Variants in CACNA1C observed in about 807,000 individuals in gnomAD.
CACNA1C encodes calcium voltage-gated channel subunit alpha1 C, also known as voltage-dependent L-type calcium channel subunit alpha-1C.
Under a neutral mutation model 229.0 loss-of-function variants are expected in CACNA1C, and 30 were observed. The observed-to-expected ratio is 0.13, with a 90% CI of 0.10 to 0.18. The LOEUF is 0.18. Among genes scored for constraint, CACNA1C ranks in the 10% least tolerant of loss-of-function variants. The pLI, the probability that CACNA1C is intolerant of heterozygous loss-of-function variation, is 1.00. For synonymous variants in CACNA1C, 1,114 were observed against 1,132.5 expected, an observed-to-expected ratio of 0.98 and a Z score of 0.33; for missense variants, 1,658 against 2,845.0, an observed-to-expected ratio of 0.58 and a Z score of 9.49.
chr12:1,998,116 A>G, intron 1 of CACNA1C: 1 of 639,232 alleles, frequency 1.6e-6, no homozygotes, highest in Non-Finnish European at 2.5e-6. Context: ...TTCTCAGGAA[A>G]AGGAGAAAGC....
chr12:2,668,905 C>G (rs540253339), intron 37 of CACNA1C, 28 bp from the exon 38 acceptor site: 1 of 1,529,968 alleles, frequency 6.5e-7, no homozygotes, highest in Admixed American at 1.7e-5. Context: ...CTGCCATCAT[C>G]ACCAGCTTTG....
In CACNA1C at chr12:2,473,930, G is replaced by A. The variant is rs116874225; in HGVS notation, c.758-12174G>A. 6.0e-4 allele frequency among the ~76,000 whole-genome samples: 92 copies of A among 152,226 alleles called. 1 individual carries two copies. Among genetic ancestry groups the A allele is most frequent in the Admixed American group, 9.8e-4 (15 of 15,286 alleles). The stretch of plus-strand genomic sequence containing the variant: ...TTACATAGAAAGATTAGCTTATGGC[G>A]TAGAGTTACCGTAAGTTGGCAGCAA... On this transcript the variant is annotated intron_variant, in intron 5 of 46. Transcript: ENST00000399655.
chr12:2,585,898 A>T lies in CACNA1C; in HGVS notation c.2524A>T (p.Thr842Ser). 1 of 1,591,822 alleles carries T rather than the reference A, an allele frequency of 6.3e-7. No individual in the cohort carries two copies. The highest frequency in any genetic ancestry group is 8.6e-7 in the Non-Finnish European group (1 of 1,167,728). ...EDKSPYPNPE[T>S]TGEEDEEEPE... is the part of the protein sequence containing the mutation. ...TAAGAGCCCCTACCCCAACCCAGAA[A>T]CTACAGGTACCAGTCCCACTGCCTA... Residue 842 changes from threonine (T) to serine (S), a missense_variant, in exon 18 of 47, where the codon ACT becomes TCT. Physicochemically the swap from Thr to Ser is moderately conservative, Grantham distance 58. This residue lies in a region of CACNA1C where 121 missense variants were observed against 128.8 expected (regional missense o/e 0.94). Coordinates refer to ENST00000399655, the MANE Select transcript of CACNA1C (RefSeq NM_000719.7). The surrounding 1 kb of genome is among the most constrained non-coding windows in gnomAD (Gnocchi z 4.1).
At chr12:2,591,549 C>T (rs1056977404) in intron 18 of CACNA1C, among the ~76,000 whole-genome samples, 3 of 152,078 alleles carry the variant, frequency 2.0e-5, no homozygotes, top group African/African-American at 4.8e-5. Flanking sequence ...TTCCCTGGAG[C>T]GTGAGTACTC....
At chr12:2,213,838 C>G (rs1354382801) in intron 3 of CACNA1C, among the ~76,000 whole-genome samples, 1 of 152,232 alleles carries the variant, frequency 6.6e-6, no homozygotes, top group Non-Finnish European at 1.5e-5. Context: ...CTCGCACTGC[C>G]CCTCCTCCCG....
chr12:2,610,814 A>G (rs909800481), intron 28 of CACNA1C, 115 bp downstream of exon 28: 6 of 1,016,228 alleles, frequency 5.9e-6, no homozygotes, highest in Non-Finnish European at 8.9e-6. Context: ...TCACCAAGGG[A>G]GGCATTTGGA....
Position 2,452,238 on chromosome 12 carries a change from G to A in CACNA1C, c.617+3123G>A, listed in dbSNP as rs1004440301. Among the ~76,000 whole-genome samples the A allele has an allele frequency of 9.2e-5, 14 of 152,026 alleles. 1 individual carries two copies. The highest frequency in any genetic ancestry group is 3.4e-4 in the African/African-American group (14 of 41,394). On this transcript the variant is annotated intron_variant, in intron 4 of 46. Coordinates refer to ENST00000399655, the MANE Select transcript of CACNA1C (RefSeq NM_000719.7). ...TTGCTATTCTGGTGGCACAAGACAC[G>A]TGGCATTTCTTTCCTTCCTAAAGCA...
At chr12:2,690,659 A>G in intron 46 of CACNA1C, 1 of 476,012 alleles carries the variant, frequency 2.1e-6, no homozygotes, top group Non-Finnish European at 3.7e-6. Context: ...ATATTTGATG[A>G]CAGTGTTTGA....
intron 1 of CACNA1C, among the ~76,000 whole-genome samples, chr12:2,073,032 C>T (rs2061919253): frequency 6.6e-6 from 1 of 152,114 alleles, no homozygotes; most frequent in Non-Finnish European, 1.5e-5. Flanking sequence ...GGGCCGCTGG[C>T]TGGAAGTGCA....
intron 3 of CACNA1C, among the ~76,000 whole-genome samples, chr12:2,121,534 G>C (rs1224600300): frequency 6.6e-6 from 1 of 152,226 alleles, no homozygotes; most frequent in African/African-American, 2.4e-5. Flanking sequence ...GCGGGCTGTG[G>C]TGTCTTGTGG....
At chr12:2,090,891 G>T (rs1482003339) in intron 1 of CACNA1C, among the ~76,000 whole-genome samples, 6 of 151,802 alleles carry the variant, frequency 4.0e-5, no homozygotes, top group African/African-American at 1.5e-4. Flanking sequence ...CCACATCCTC[G>T]CTGGCTCTTG....
At chr12:2,131,654 A>T in intron 3 of CACNA1C, among the ~76,000 whole-genome samples, 1 of 143,304 alleles carries the variant, frequency 7.0e-6, no homozygotes, top group South Asian at 2.3e-4. Context: ...GTTCTGTTCC[A>T]TTGATCTATA....
rs76979251 is a variant in CACNA1C, at chr12:2,269,868, G to C, written c.477+149438G>C. On this transcript the variant is annotated intron_variant, in intron 3 of 46. Transcript: ENST00000399655. ...TTTGGGGGGCCTGGTGGGAGCTGTA[G>C]CTGGGAGGAGGACCATGAGGGAGAA... is the stretch of plus-strand genomic sequence containing the variant. The C allele has an allele frequency of 7.9e-5, 12 of 152,404 alleles. No individual in the cohort carries two copies. In the East Asian group the frequency reaches 2.3e-3, roughly 29 times the overall value. 9.4% of individuals were successfully genotyped at this position (152,404 alleles called of 1,614,324 possible).
intron 3 of CACNA1C, among the ~76,000 whole-genome samples, chr12:2,283,950 A>G (rs2092110663): frequency 6.6e-6 from 1 of 152,182 alleles, no homozygotes; most frequent in Admixed American, 6.5e-5. Context: ...GCCTTTTTCC[A>G]AGATCCGGGA....
chr12:2,230,079 A>AG (rs1266825302), intron 3 of CACNA1C, among the ~76,000 whole-genome samples: 1 of 152,078 alleles, frequency 6.6e-6, no homozygotes, highest in African/African-American at 2.4e-5. Flanking sequence ...CGGAAGGGGA[A>AG]GAAGGGGCCT....
At chr12:2,416,406 A>G (rs1170067966) in intron 3 of CACNA1C, among the ~76,000 whole-genome samples, 1 of 152,086 alleles carries the variant, frequency 6.6e-6, no homozygotes, top group Non-Finnish European at 1.5e-5. Flanking sequence ...AAGAGAGGGG[A>G]AGGGAGGAAG....
rs75962949 is a variant in CACNA1C, at chr12:2,140,734, A to G, written c.477+20304A>G. 4.4e-3 allele frequency among the ~76,000 whole-genome samples: 664 copies of G among 151,438 alleles called. 6 individuals are homozygous for G. Among genetic ancestry groups the G allele is most frequent in the African/African-American group, 0.015 (628 of 41,486 alleles). ...GCATTCCTTCTGTCATATTTATTAA[A>G]TGCCTACTGTGTACCAGGCTAGGTG... On this transcript the variant is annotated intron_variant, in intron 3 of 46. Transcript: ENST00000399655.
chr12:2,186,496 TTTTTA>T (rs1400364582), intron 3 of CACNA1C, among the ~76,000 whole-genome samples: 1 of 152,202 alleles, frequency 6.6e-6, no homozygotes, highest in Non-Finnish European at 1.5e-5. Context: ...CCTTCACTTT[TTTTTA>T]TTTTAAAGAA....
intron 29 of CACNA1C, among the ~76,000 whole-genome samples, chr12:2,622,414 G>A (rs868312285): frequency 6.6e-6 from 1 of 152,038 alleles, no homozygotes; most frequent in African/African-American, 2.4e-5. Context: ...CCTCACCCAC[G>A]TCCTCCCATA....
Sources: allele counts gnomAD v4.1 joint callset (sites outside exome capture counted in the v4.1 genomes callset), GRCh38; gene constraint gnomAD v4.1.1; regional missense constraint gnomAD v4.1.1; non-coding constraint Gnocchi (gnomAD v3.1); transcripts MANE v1.5; gene names NCBI Gene and HGNC (gene_info 2026-07-23, HGNC 2026-07-21).